The following TMX3 variants were observed in gnomAD, a reference collection of about 807,000 sequenced individuals.
The protein encoded by TMX3 is thioredoxin related transmembrane protein 3.
TMX3 carries 40 observed loss-of-function variants against 64.4 expected under a neutral mutation model. The ratio of observed to expected loss-of-function variants is 0.62; its 90% CI spans 0.48 to 0.81. The LOEUF (loss-of-function observed/expected upper bound fraction) is 0.81, where lower values mean the gene tolerates loss of function less well. Among genes scored for constraint, TMX3 ranks in the 30% least tolerant of loss-of-function variants. The pLI, the probability that TMX3 is intolerant of heterozygous loss-of-function variation, is 0.00. For synonymous variants in TMX3, 189 were observed against 175.7 expected (o/e 1.08, Z -0.60); for missense variants, 497 against 534.5 (o/e 0.93, Z 0.69).
intron 10 of TMX3, among the ~76,000 whole-genome samples, chr18:68,685,911 T>A (rs954790646): frequency 3.3e-5 from 5 of 152,072 alleles, no homozygotes; most frequent in Admixed American, 2.0e-4. Context: ...AAGAAAAAAG[T>A]ATGTAAAAAC....
At chr18:68,711,506 C>T in intron 2 of TMX3, 103 bp from the exon 3 acceptor site, 1 of 680,382 alleles carries the variant, frequency 1.5e-6, no homozygotes, top group Non-Finnish European at 2.3e-6. Context: ...GGGAAAGACC[C>T]AAATTCCTTC....
chr18:68,711,397 T>G lies in TMX3; in HGVS notation c.108A>C (p.Lys36Asn). 1 of 1,592,002 alleles carries G rather than the reference T, an allele frequency of 6.3e-7. No individual in the cohort carries two copies. The highest frequency in any genetic ancestry group is 1.7e-5 in the Admixed American group (1 of 58,164). ...GCCAAATGTCATCATTTCGATTTTC[T>G]TTAAACCTAAAAAACAAGAAAACAA... ...GFVEDLDESF[K>N]ENRNDDIWLV... The change falls in exon 3 of 16, where the codon AAA (lysine) becomes AAC (asparagine). Residue 36 changes from lysine to asparagine, a missense_variant. By Grantham distance (94) the Lys-to-Asn change is moderately conservative. Around this residue, in one of 3 missense-constraint regions of TMX3, gnomAD observed 360 missense variants for 383.5 expected, o/e 0.94. Transcript: ENST00000299608.
At chr18:68,706,747 G>A (rs1308208407) in intron 4 of TMX3, among the ~76,000 whole-genome samples, 1 of 152,172 alleles carries the variant, frequency 6.6e-6, no homozygotes, top group African/African-American at 2.4e-5. Flanking sequence ...TTACCTGTTT[G>A]ATTCCAAGTT....
Position 68,676,939 on chromosome 18 carries a change from T to C in TMX3, c.1359A>G (p.Lys453=), listed in dbSNP as rs1912972429. 1 of 1,611,558 alleles carries C rather than the reference T, an allele frequency of 6.2e-7. No individual in the cohort carries two copies. Among genetic ancestry groups the C allele is most frequent in the Non-Finnish European group, 8.5e-7 (1 of 1,179,268 alleles). ...ATTTTATAGTCATCAAGTCTCAATC[T>C]TTCTTCTTTTCTAATACATCCTTGG... ...QEPKDVLEKK[K]D Residue 453 remains lysine, a synonymous_variant, in exon 16 of 16, where the codon AAA becomes AAG. Coordinates refer to ENST00000299608, the MANE Select transcript of TMX3 (RefSeq NM_019022.5).
At position 68,714,991 on chromosome 18, in the gene TMX3, G is replaced by A. The variant is rs1337390957; in HGVS notation, c.-10C>T. ...TCTTCCACGCTGCCATGCTAGCCCG[G>A]GAGAGCTGCAGAAGCTGACTGTGCA... On this transcript the variant is annotated 5_prime_UTR_variant, in exon 1 of 16. Transcript: ENST00000299608. 3 of 1,568,450 alleles carry A rather than the reference G, an allele frequency of 1.9e-6. No homozygotes were observed. Among genetic ancestry groups the A allele is most frequent in the Admixed American group, 1.9e-5 (1 of 53,740 alleles).
intron 8 of TMX3, among the ~76,000 whole-genome samples, chr18:68,695,530 ACTT>A: frequency 6.6e-6 from 1 of 152,186 alleles, no homozygotes; most frequent in Admixed American, 6.5e-5. Context: ...CATATTTTCA[ACTT>A]CTTCCTTCTC....
At chr18:68,685,108 G>T (rs552272740) in intron 10 of TMX3, among the ~76,000 whole-genome samples, 1 of 152,116 alleles carries the variant, frequency 6.6e-6, no homozygotes, top group African/African-American at 2.4e-5. Context: ...GAATCAGAAC[G>T]CCAAACACTG....
intron 5 of TMX3, 137 bp from the exon 6 acceptor site, chr18:68,700,622 G>A (rs2029951078): frequency 1.9e-6 from 2 of 1,033,128 alleles, no homozygotes; most frequent in Non-Finnish European, 2.6e-6. Flanking sequence ...TAGCTCTCAT[G>A]TAAAATATGG....
At chr18:68,700,280 T>C in intron 6 of TMX3, 125 bp downstream of exon 6, 1 of 591,202 alleles carries the variant, frequency 1.7e-6, no homozygotes. Flanking sequence ...CTCTCATAAG[T>C]AAATAATCAA....
chr18:68,696,419 G>A (rs374301685), intron 8 of TMX3, among the ~76,000 whole-genome samples: 2 of 152,130 alleles, frequency 1.3e-5, no homozygotes, highest in East Asian at 1.9e-4. Flanking sequence ...TGATCTGCCT[G>A]CCTCGGCCTC....
rs771167448 is a variant in TMX3 at position 68,684,259 on chromosome 18, C to T, written c.795-16G>A. ...TGACTTCAATCTGTAGAAGAACAAA[C>T]ATATGAATAGTTCATCTCTGCACTT... is the stretch of plus-strand genomic sequence containing the variant. On this transcript the variant is annotated splice_polypyrimidine_tract_variant and intron_variant, in intron 11 of 15. Transcript: ENST00000299608. 1 of 1,603,406 alleles carries T rather than the reference C, an allele frequency of 6.2e-7. No homozygotes were observed. The highest frequency in any genetic ancestry group is 8.5e-7 in the Non-Finnish European group (1 of 1,171,912).
At chr18:68,691,136 T>A in intron 9 of TMX3, 159 bp downstream of exon 9, 1 of 429,110 alleles carries the variant, frequency 2.3e-6, no homozygotes, top group Non-Finnish European at 4.2e-6. Flanking sequence ...AATTATAAGT[T>A]GAAGGGTGAA....
At chr18:68,695,699 C>G (rs1423428940) in intron 8 of TMX3, among the ~76,000 whole-genome samples, 2 of 152,210 alleles carry the variant, frequency 1.3e-5, no homozygotes, top group African/African-American at 2.4e-5. Context: ...CTTCCCAACC[C>G]TCACTAACCA....
At chr18:68,698,089 C>T in intron 6 of TMX3, 58 bp from the exon 7 acceptor site, 1 of 1,068,484 alleles carries the variant, frequency 9.4e-7, no homozygotes, top group Non-Finnish European at 1.4e-6. Context: ...ACATAATTTA[C>T]TATTTATACT....
At chr18:68,681,429 T>TG in intron 13 of TMX3, 1 of 974,018 alleles carries the variant, frequency 1.0e-6, no homozygotes, top group Non-Finnish European at 1.2e-6. Flanking sequence ...TTCAAACTTA[T>TG]GTTGTTCAAC....
At chr18:68,691,757 A>G (rs568444279) in intron 8 of TMX3, among the ~76,000 whole-genome samples, 1 of 152,324 alleles carries the variant, frequency 6.6e-6, no homozygotes, top group Non-Finnish European at 1.5e-5. Flanking sequence ...TCACAGAACA[A>G]TTAGGAGAGT....
chr18:68,691,209 G>A, intron 9 of TMX3, 86 bp downstream of exon 9: 1 of 889,610 alleles, frequency 1.1e-6, no homozygotes. Context: ...AACAGTAGAA[G>A]CATTTACATA....
rs141866766 is a variant in TMX3 at position 68,677,948 on chromosome 18, T to C, written c.1105-755A>G. 1.0e-3 allele frequency among the ~76,000 whole-genome samples: 159 copies of C among 152,266 alleles called. 1 individual carries two copies. The highest frequency in any genetic ancestry group is 3.5e-3 in the African/African-American group (147 of 41,574). On this transcript the variant is annotated intron_variant, in intron 15 of 15. Coordinates refer to ENST00000299608, the MANE Select transcript of TMX3 (RefSeq NM_019022.5). ...CCAGGCAATTTGCACTAGCAAAAGC[T>C]AATATTCAAAAACCAACGAGGAAAA...
chr18:68,698,988 G>C (rs1262029462), intron 6 of TMX3, among the ~76,000 whole-genome samples: 7 of 150,948 alleles, frequency 4.6e-5, no homozygotes, highest in African/African-American at 9.8e-5. Flanking sequence ...CGCCACTGCA[G>C]TCCAGCCTGG....
Sources: allele counts gnomAD v4.1 joint callset (sites outside exome capture counted in the v4.1 genomes callset), GRCh38; gene constraint gnomAD v4.1.1; regional missense constraint gnomAD v4.1.1; transcripts MANE v1.5; gene names NCBI Gene and HGNC (gene_info 2026-07-23, HGNC 2026-07-21).